The following ZNF541 variants were observed in gnomAD, a reference collection of about 807,000 sequenced individuals.
The protein encoded by ZNF541 is zinc finger protein 541.
ZNF541 carries 23 observed loss-of-function variants against 123.5 expected under a neutral mutation model. The observed-to-expected ratio is 0.19, with a 90% CI of 0.13 to 0.26. The LOEUF (loss-of-function observed/expected upper bound fraction) is 0.26. ZNF541 is among the 10% of genes least tolerant of loss of function. The pLI is 1.00. For synonymous variants in ZNF541, 751 were observed against 754.5 expected (o/e 1.00, Z 0.08); for missense variants, 1,612 against 1,789.9 (o/e 0.90, Z 1.79).
rs1457706442 is a variant in ZNF541, at chr19:47,531,648, G to A, written c.3399C>T (p.Asn1133=). 54 of 1,541,352 alleles carry A rather than the reference G, an allele frequency of 3.5e-5. No homozygotes were observed. The highest frequency in any genetic ancestry group is 4.6e-5 in the Non-Finnish European group (52 of 1,139,394). ...TCCCCTTGCTGTTCCTCACCTGAAC[G>A]TTGCCCTGAGCCTCGTGCAGGCAGT... ...ALHCLHEAQG[N]VQVALETLLL... The change falls in exon 12 of 17, where the codon AAC becomes AAT. Residue 1133 remains asparagine, a synonymous_variant. Coordinates refer to ENST00000391901, the MANE Select transcript of ZNF541 (RefSeq NM_001277075.3).
chr19:47,559,032 C>T (rs1970952240), intron 2 of ZNF541, among the ~76,000 whole-genome samples: 1 of 151,750 alleles, frequency 6.6e-6, no homozygotes, highest in Admixed American at 6.6e-5. Flanking sequence ...GCGTGACCCA[C>T]CGCGCCCAGC....
Position 47,521,326 on chromosome 19 carries a change from A to ACCGCCTTC in ZNF541, c.3938_3939insGAAGGCGG (p.Gln1314LysfsTer13), listed in dbSNP as rs1969014308. The ACCGCCTTC allele has an allele frequency of 6.4e-7, 1 of 1,551,708 alleles. No individual in the cohort carries two copies. The highest frequency in any genetic ancestry group is 2.4e-5 in the East Asian group (1 of 40,918). On this transcript the variant is annotated frameshift_variant, in exon 17 of 17. Transcript: ENST00000391901. LOFTEE classifies it high-confidence loss of function. This position sits in a 1 kb window ranked among gnomAD's most constrained non-coding sequence, Gnocchi z 4.2. ...TGATGATGGGCTCCACGTGGTCCTG[A>ACCGCCTTC]AGGCGGTGCCGCTTCATATGGGCAT...
chr19:47,546,299 G>C (rs563941803), intron 4 of ZNF541, among the ~76,000 whole-genome samples: 29 of 151,768 alleles, frequency 1.9e-4, no homozygotes, highest in Non-Finnish European at 1.2e-4. Flanking sequence ...CTTGAGGTCA[G>C]GAGTTTGAGA....
chr19:47,562,188 G>A (rs1971090649), intron 2 of ZNF541, among the ~76,000 whole-genome samples: 1 of 152,136 alleles, frequency 6.6e-6, no homozygotes, highest in Non-Finnish European at 1.5e-5. Context: ...GGTGGAGGCT[G>A]CAGTGAGCCA....
intron 5 of ZNF541, among the ~76,000 whole-genome samples, chr19:47,541,988 T>A (rs1191813132): frequency 6.6e-6 from 1 of 152,096 alleles, no homozygotes; most frequent in African/African-American, 2.4e-5. Context: ...CAAATGTCCA[T>A]CCACTGATGA....
chr19:47,569,423 C>T (rs1275412900), intron 2 of ZNF541, among the ~76,000 whole-genome samples: 1 of 152,082 alleles, frequency 6.6e-6, no homozygotes, highest in Non-Finnish European at 1.5e-5. Context: ...AGTTGAGTAA[C>T]TTGCCCAAAA....
chr19:47,530,411 C>T (rs79859492), intron 12 of ZNF541, among the ~76,000 whole-genome samples: 3 of 149,672 alleles, frequency 2.0e-5, no homozygotes, highest in Admixed American at 6.7e-5. Flanking sequence ...CTCGAACTCA[C>T]GACCTCAGGT....
At position 47,544,961 on chromosome 19, in the gene ZNF541, T is replaced by C. The variant is rs761699758; in HGVS notation, c.1568A>G (p.Glu523Gly). 1.3e-6 allele frequency: 2 copies of C among 1,533,778 alleles called. No homozygotes were observed. The highest frequency in any genetic ancestry group is 1.4e-5 in the African/African-American group (1 of 72,902). ...CQNPGEPGLQ[E>G]AQKAGGLPAD... is the part of the protein sequence containing the mutation. ...AGGGAGCCCGCCTGCCTTCTGGGCC[T>C]CCTGGAGGCCGGGCTCCCCGGGGTT... Residue 523 changes from glutamate (E) to glycine (G), a missense_variant, in exon 5 of 17, where the codon GAG (glutamate) becomes GGG (glycine). By Grantham distance (98) the Glu-to-Gly change is moderately conservative. Coordinates refer to ENST00000391901, the MANE Select transcript of ZNF541 (RefSeq NM_001277075.3).
intron 7 of ZNF541, 101 bp from the exon 8 acceptor site, chr19:47,539,979 G>C (rs1970008163): frequency 1.3e-6 from 2 of 1,481,982 alleles, no homozygotes; most frequent in Non-Finnish European, 8.9e-7. Context: ...ACAGCAGTGA[G>C]TCTGTGGCAT....
At chr19:47,546,223 A>T (rs77856967) in intron 4 of ZNF541, among the ~76,000 whole-genome samples, 3 of 150,402 alleles carry the variant, frequency 2.0e-5, no homozygotes, top group Admixed American at 1.3e-4. Flanking sequence ...AAAAAAAAAA[A>T]CCAGCGGGGC....
At position 47,540,322 on chromosome 19, in the gene ZNF541, C is replaced by G; in HGVS notation, c.2476G>C (p.Gly826Arg). The G allele has an allele frequency of 6.4e-7, 1 of 1,551,770 alleles. No individual in the cohort carries two copies. The highest frequency in any genetic ancestry group is 8.7e-7 in the Non-Finnish European group (1 of 1,146,868). Residue 826 changes from glycine (G) to arginine (R), a missense_variant, in exon 7 of 17, where the codon GGC (glycine) becomes CGC (arginine). This residue lies in a region of ZNF541 where 1,080 missense variants were observed against 1,013.8 expected (regional missense o/e 1.07). Transcript: ENST00000391901. ...NVAGRGNQQN[G>R]SPTDWTKPRS... ...GGCTTCGTCCAGTCTGTGGGACTGC[C>G]GTTTTGCTGGTTACTGTGGGACATG...
In ZNF541 at chr19:47,521,169, C is replaced by A; in HGVS notation, c.*55G>T. 6.5e-7 allele frequency: 1 copy of A among 1,528,266 alleles called. No homozygotes were observed. The allele number at this position is 1,528,266 out of a possible 1,614,324, so 94.7% of individuals were successfully genotyped here. On this transcript the variant is annotated 3_prime_UTR_variant, in exon 17 of 17. Transcript: ENST00000391901. The surrounding 1 kb of genome is among the most constrained non-coding windows in gnomAD (Gnocchi z 4.2). ...GGGTGCCCCAAACGCCCTGGAGAGG[C>A]CGAAGGGAGGAGGGGCAGCACTGGA...
chr19:47,529,273 C>G (rs1969452560), intron 13 of ZNF541, among the ~76,000 whole-genome samples: 1 of 152,138 alleles, frequency 6.6e-6, no homozygotes, highest in Non-Finnish European at 1.5e-5. Flanking sequence ...GCCCTGGCAT[C>G]CTGTTTCCAG....
In ZNF541 at chr19:47,549,254, T is replaced by G; in HGVS notation, c.539A>C (p.Gln180Pro). Reference protein sequence around the residue: ...CKICSKAFKRQDHLTGHMLTH... With the variant: ...CKICSKAFKRPDHLTGHMLTH... ...CCAGACTCCCACATACAGGTGGTCC[T>G]GGCGCTTAAAGGCCTTGCTGCAGAT... The change falls in exon 4 of 17, where the codon CAG becomes CCG. Residue 180 changes from glutamine (Q) to proline (P), a missense_variant. By Grantham distance (76) the Gln-to-Pro change is moderately conservative. This residue lies in a region of ZNF541 where 212 missense variants were observed against 289.6 expected (regional missense o/e 0.73). Coordinates refer to ENST00000391901, the MANE Select transcript of ZNF541 (RefSeq NM_001277075.3). The G allele has an allele frequency of 1.9e-6, 3 of 1,552,126 alleles. No individual in the cohort carries two copies.
At chr19:47,528,462 A>G (rs1303478827) in intron 14 of ZNF541, among the ~76,000 whole-genome samples, 2 of 151,236 alleles carry the variant, frequency 1.3e-5, no homozygotes, top group Non-Finnish European at 2.9e-5. Context: ...GATTACAGGC[A>G]CTCACCACCA....
chr19:47,529,976 C>T (rs1012463927), intron 12 of ZNF541, among the ~76,000 whole-genome samples: 31 of 152,232 alleles, frequency 2.0e-4, no homozygotes, highest in African/African-American at 7.2e-4. Flanking sequence ...ATGACCCTTG[C>T]GTAGGGCCCC....
In ZNF541 at chr19:47,538,345, G is replaced by A. The variant is rs200669663; in HGVS notation, c.2891C>T (p.Pro964Leu). 1.1e-4 allele frequency: 170 copies of A among 1,543,194 alleles called. 1 individual carries two copies. Among genetic ancestry groups the A allele is most frequent in the Middle Eastern group, 1.0e-3 (6 of 5,972 alleles). The change falls in exon 9 of 17, where the codon CCT (proline) becomes CTT (leucine). Residue 964 changes from proline to leucine, a missense_variant. By Grantham distance (98) the Pro-to-Leu change is moderately conservative. Coordinates refer to ENST00000391901, the MANE Select transcript of ZNF541 (RefSeq NM_001277075.3). ...GCTCTGGTGGCATCCTGCAGGGCCA[G>A]GCTCCCCAGCCGTGGAGGGTGGGGG... is the stretch of plus-strand genomic sequence containing the variant. Reference protein sequence around the residue: ...KRPPPSTAGEPGPAGCHQSRL... With the variant: ...KRPPPSTAGELGPAGCHQSRL...
intron 2 of ZNF541, among the ~76,000 whole-genome samples, chr19:47,564,159 A>G (rs1312535475): frequency 3.9e-5 from 6 of 152,080 alleles, no homozygotes; most frequent in Admixed American, 6.6e-5. Flanking sequence ...GCACTGCTCC[A>G]ATTAAACTAC....
chr19:47,533,482 A>T (rs1969677944), intron 9 of ZNF541, among the ~76,000 whole-genome samples: 1 of 151,928 alleles, frequency 6.6e-6, no homozygotes, highest in Admixed American at 6.6e-5. Flanking sequence ...TATATATAAA[A>T]ACAGCACACT....
Sources: allele counts gnomAD v4.1 joint callset (sites outside exome capture counted in the v4.1 genomes callset), GRCh38; gene constraint gnomAD v4.1.1; regional missense constraint gnomAD v4.1.1; non-coding constraint Gnocchi (gnomAD v3.1); transcripts MANE v1.5; gene names NCBI Gene and HGNC (gene_info 2026-07-23, HGNC 2026-07-21).